The following GLB1 variants were observed in gnomAD, a reference collection of about 807,000 sequenced individuals.
GLB1 encodes the protein beta-galactosidase.
Under a neutral mutation model 74.0 loss-of-function variants are expected in GLB1, and 56 were observed. That is an observed-to-expected ratio of 0.76 (90% CI 0.61 to 0.94). The LOEUF is 0.94. GLB1 is among the 40% of genes least tolerant of loss of function. The pLI, the probability that GLB1 is intolerant of heterozygous loss-of-function variation, is 0.00. For synonymous variants in GLB1, 323 were observed against 323.6 expected (o/e 1.00, Z 0.02); for missense variants, 787 against 845.5 (o/e 0.93, Z 0.86).
At chr3:33,020,691 G>A (rs1293325124) in intron 12 of GLB1, among the ~76,000 whole-genome samples, 1 of 152,182 alleles carries the variant, frequency 6.6e-6, no homozygotes, top group Middle Eastern at 3.2e-3. Flanking sequence ...AGATTAAGCT[G>A]TAAAGGACGT....
chr3:33,014,135 T>A lies in GLB1; in HGVS notation c.1655A>T (p.Tyr552Phe). 1 of 1,614,060 alleles carries A rather than the reference T, an allele frequency of 6.2e-7. No homozygotes were observed. The highest frequency in any genetic ancestry group is 8.5e-7 in the Non-Finnish European group (1 of 1,179,996). The change falls in exon 15 of 16, where the codon TAT becomes TTT. Residue 552 changes from tyrosine to phenylalanine, a missense_variant. Transcript: ENST00000307363. ...ACTGGGAATGGAGAAGTTCCCCATA[T>A]AAAAGGCCGGGAGCGTGTAGTTGGA... ...NSSNYTLPAFYMGNFSIPSGI... is the reference protein window; with the variant it reads ...NSSNYTLPAFFMGNFSIPSGI...
At chr3:32,971,244 G>A in the GLB1 span, among the ~76,000 whole-genome samples, 2 of 152,156 alleles carry the variant, frequency 1.3e-5, no homozygotes, top group South Asian at 2.1e-4. Context: ...TACCTTTTTG[G>A]TCTATAGGAC....
At chr3:33,000,780 T>C (rs759046545) in intron 15 of GLB1, among the ~76,000 whole-genome samples, 5 of 152,112 alleles carry the variant, frequency 3.3e-5, no homozygotes, top group Non-Finnish European at 5.9e-5. Context: ...TACAAGAAGC[T>C]ACTGCACTGG....
intron 1 of GLB1, chr3:33,096,587 C>T (rs1575506343): frequency 1.9e-6 from 2 of 1,035,068 alleles, no homozygotes; most frequent in Non-Finnish European, 2.3e-6. Context: ...CCATTTTTCT[C>T]CTTCCGGAGC....
intron 10 of GLB1, among the ~76,000 whole-genome samples, chr3:33,026,313 G>A (rs1019570105): frequency 4.6e-5 from 7 of 152,206 alleles, no homozygotes; most frequent in Non-Finnish European, 8.8e-5. Context: ...GTGTGCAAAC[G>A]TTCAGGGTAG....
At position 33,016,564 on chromosome 3, in the gene GLB1, C is replaced by G. The variant is rs948119045; in HGVS notation, c.1479+145G>C. The G allele has an allele frequency of 7.9e-6, 11 of 1,400,108 alleles. No individual in the cohort carries two copies. The African/African-American group carries it at 1.6e-4, about 20-fold the overall frequency. The allele number at this position is 1,400,108 out of a possible 1,614,324, so 86.7% of individuals were successfully genotyped here. A position where few individuals can be genotyped will look rare whatever the true frequency, so the allele number is the denominator to read the frequency against. On this transcript the variant is annotated intron_variant, in intron 14 of 15. Coordinates refer to ENST00000307363, the MANE Select transcript of GLB1 (RefSeq NM_000404.4). The stretch of plus-strand genomic sequence containing the variant: ...TAGAGGTCTCACTATTTTACCCAGG[C>G]TGGTCTTGAACTCCTGGCCTCAAGT...
At chr3:33,069,504 C>T (rs781773510) in intron 2 of GLB1, among the ~76,000 whole-genome samples, 41 of 152,260 alleles carry the variant, frequency 2.7e-4, no homozygotes, top group Non-Finnish European at 5.4e-4. Flanking sequence ...CTGAGGCTTC[C>T]TTCATTCTCC....
At chr3:33,051,678 G>A in intron 9 of GLB1, 80 bp downstream of exon 9, 1 of 1,584,452 alleles carries the variant, frequency 6.3e-7, no homozygotes, top group Non-Finnish European at 8.6e-7. Flanking sequence ...AAATAAAATT[G>A]TCTGTGGGCA....
intron 1 of GLB1, among the ~76,000 whole-genome samples, chr3:33,078,919 T>C (rs955982669): frequency 1.3e-5 from 2 of 152,132 alleles, no homozygotes; most frequent in African/African-American, 2.4e-5. Flanking sequence ...TCATATCTCA[T>C]GGCAGTCTTG....
At chr3:33,096,349 C>G (rs560977812) in intron 1 of GLB1, 1 of 975,912 alleles carries the variant, frequency 1.0e-6, no homozygotes, top group Non-Finnish European at 1.2e-6. Flanking sequence ...CTATTCGCCT[C>G]GCCAGCCCTG....
At chr3:32,975,113 A>T in the GLB1 span, among the ~76,000 whole-genome samples, 1 of 151,990 alleles carries the variant, frequency 6.6e-6, no homozygotes, top group South Asian at 2.1e-4. Context: ...ACGGGGTCTC[A>T]CTCTGTCACT....
rs1206266333 is a variant in GLB1, at chr3:33,046,245, A to T, written c.956-13T>A. The T allele has an allele frequency of 6.2e-7, 1 of 1,613,670 alleles. No homozygotes were observed. The highest frequency in any genetic ancestry group is 1.3e-5 in the African/African-American group (1 of 74,876). ...GGTGAGTTGGCCCCTAGAAGACAAAAATGTGCCACTAGTTATTACTGATGG... is the reference window on the plus strand; with the variant it reads ...GGTGAGTTGGCCCCTAGAAGACAAATATGTGCCACTAGTTATTACTGATGG... On this transcript the variant is annotated splice_polypyrimidine_tract_variant and intron_variant, in intron 9 of 15. Coordinates refer to ENST00000307363, the MANE Select transcript of GLB1 (RefSeq NM_000404.4).
intron 8 of GLB1, 24 bp from the exon 9 acceptor site, chr3:33,051,822 G>C: frequency 6.2e-7 from 1 of 1,614,148 alleles, no homozygotes; most frequent in Non-Finnish European, 8.5e-7. Flanking sequence ...AAAGAACACG[G>C]TACTTCACTG....
chr3:32,995,899 TAAG>T (rs1696300577), downstream of GLB1, among the ~76,000 whole-genome samples: 1 of 150,354 alleles, frequency 6.7e-6, no homozygotes, highest in Non-Finnish European at 1.5e-5. Flanking sequence ...AAAATACAGA[TAAG>T]AAAAAGCAAG....
At chr3:32,987,641 C>A in the GLB1 span, among the ~76,000 whole-genome samples, 1 of 152,256 alleles carries the variant, frequency 6.6e-6, no homozygotes, top group Admixed American at 6.5e-5. Flanking sequence ...ACTAACTAAA[C>A]CTTTTGAAGG....
chr3:32,995,006 T>C (rs1284807454), downstream of GLB1, among the ~76,000 whole-genome samples: 1 of 150,200 alleles, frequency 6.7e-6, no homozygotes, highest in Non-Finnish European at 1.5e-5. Flanking sequence ...GGAAAACCCA[T>C]CCAAATTCCC....
chr3:33,095,605 C>A (rs1207522716), intron 1 of GLB1, among the ~76,000 whole-genome samples: 2 of 152,160 alleles, frequency 1.3e-5, no homozygotes, highest in East Asian at 3.9e-4. Context: ...GTATGGCAGC[C>A]ACAGGGCATC....
At chr3:33,087,233 T>G (rs535709969) in intron 1 of GLB1, among the ~76,000 whole-genome samples, 1 of 151,618 alleles carries the variant, frequency 6.6e-6, no homozygotes, top group South Asian at 2.1e-4. Context: ...ACAGAAAATC[T>G]ATACAGACCA....
chr3:32,985,774 C>T, the GLB1 span, among the ~76,000 whole-genome samples: 1 of 152,142 alleles, frequency 6.6e-6, no homozygotes, highest in East Asian at 1.9e-4. Flanking sequence ...GGCATGATTT[C>T]AGCTCACTGC....
Sources: gnomAD v4.1 joint callset for allele counts (sites outside exome capture counted in the v4.1 genomes callset) on GRCh38, gnomAD v4.1.1 for gene constraint, MANE v1.5 for transcripts, NCBI Gene and HGNC (gene_info 2026-07-23, HGNC 2026-07-21) for gene names.